The following PRSS23 variants were observed in gnomAD, a reference collection of about 807,000 sequenced individuals.
The protein encoded by PRSS23 is serine protease 23.
Under a neutral mutation model 34.7 loss-of-function variants are expected in PRSS23, and 25 were observed. The ratio of observed to expected loss-of-function variants is 0.72; its 90% CI spans 0.53 to 1.01. The LOEUF (loss-of-function observed/expected upper bound fraction) is 1.01. PRSS23 is among the 50% of genes least tolerant of loss of function. PRSS23 has a pLI of 0.00. For synonymous variants in PRSS23, 176 were observed against 186.6 expected, an observed-to-expected ratio of 0.94 and a Z score of 0.46; for missense variants, 445 against 475.6, an observed-to-expected ratio of 0.94 and a Z score of 0.60.
intron 2 of PRSS23, among the ~76,000 whole-genome samples, chr11:86,865,446 C>T (rs1210808324): frequency 6.6e-6 from 1 of 152,188 alleles, no homozygotes; most frequent in Non-Finnish European, 1.5e-5. Context: ...TCAGCAAGTT[C>T]TGTGAGTGTG....
chr11:86,921,529 G>A (rs1949047273), intron 2 of PRSS23: 1 of 152,184 alleles, frequency 6.6e-6, no homozygotes, highest in African/African-American at 2.4e-5. Context: ...TATGCTTAAT[G>A]TTTCAGGATG....
At chr11:86,821,125 T>C in intron 1 of PRSS23, 1 of 563,618 alleles carries the variant, frequency 1.8e-6, no homozygotes, top group African/African-American at 2.0e-5. Flanking sequence ...TCTGTACATT[T>C]TTCCATGATT....
intron 2 of PRSS23, among the ~76,000 whole-genome samples, chr11:86,919,132 C>A (rs547310672): frequency 6.6e-6 from 1 of 152,198 alleles, no homozygotes; most frequent in Non-Finnish European, 1.5e-5. Context: ...TGCCTCATAG[C>A]TTCCCATCCC....
At chr11:86,867,698 A>T (rs1443973330) in intron 2 of PRSS23, among the ~76,000 whole-genome samples, 1 of 151,942 alleles carries the variant, frequency 6.6e-6, no homozygotes. Context: ...TGGGCAACAT[A>T]GTGAGACCCT....
chr11:86,827,382 C>G (rs1948310903), intron 2 of PRSS23, among the ~76,000 whole-genome samples: 2 of 152,234 alleles, frequency 1.3e-5, no homozygotes, highest in Non-Finnish European at 2.9e-5. Context: ...ATTCTTCTCT[C>G]TTTTCTTCTT....
At chr11:86,826,592 C>T (rs575912210) in intron 2 of PRSS23, among the ~76,000 whole-genome samples, 1 of 152,282 alleles carries the variant, frequency 6.6e-6, no homozygotes, top group South Asian at 2.1e-4. Flanking sequence ...GGAATGCTTC[C>T]AATTTCTGCC....
At chr11:86,792,337 A>C (rs115354203) in intron 1 of PRSS23, among the ~76,000 whole-genome samples, 107 of 152,334 alleles carry the variant, frequency 7.0e-4, no homozygotes, top group African/African-American at 2.5e-3. Context: ...CAAGGTGCTC[A>C]TGCTCACTGG....
In PRSS23 at chr11:86,808,675, G is replaced by A. The variant is rs747501459; in HGVS notation, c.1032G>A (p.Gln344=). 6.2e-7 allele frequency: 1 copy of A among 1,614,186 alleles called. No homozygotes were observed. Among genetic ancestry groups the A allele is most frequent in the Non-Finnish European group, 8.5e-7 (1 of 1,180,036 alleles). ...TTATTGGCATTTTTTCAGGGCACCA[G>A]TGGGTGGACATGAATGGTTCCCCAC... ...RKIIGIFSGH[Q]WVDMNGSPQD... is the part of the protein sequence containing the mutation. Residue 344 remains glutamine (Q), a synonymous_variant, in exon 2 of 2, where the codon CAG becomes CAA. Coordinates refer to ENST00000280258, the MANE Select transcript of PRSS23 (RefSeq NM_007173.6).
At position 86,810,582 on chromosome 11, in the gene PRSS23, G is replaced by T. The variant is rs954827269; in HGVS notation, c.*1787G>T. 1 of 166,966 alleles carries T rather than the reference G, an allele frequency of 6.0e-6. No individual in the cohort carries two copies. The highest frequency in any genetic ancestry group is 1.5e-5 in the Non-Finnish European group (1 of 68,086). The allele number at this position is 166,966 out of a possible 1,614,324, so 10.3% of individuals were successfully genotyped here. ...TCTATGTCTGGTATTTGGGGGTTTTGTTTGTTTTTGCTTTAGCTTGGTGAA... is the reference window on the plus strand; with the variant it reads ...TCTATGTCTGGTATTTGGGGGTTTTTTTTGTTTTTGCTTTAGCTTGGTGAA... On this transcript the variant is annotated 3_prime_UTR_variant, in exon 2 of 2. Coordinates refer to ENST00000280258, the MANE Select transcript of PRSS23 (RefSeq NM_007173.6).
intron 2 of PRSS23, among the ~76,000 whole-genome samples, chr11:86,866,238 T>A (rs1473337703): frequency 6.6e-6 from 1 of 152,194 alleles, no homozygotes; most frequent in African/African-American, 2.4e-5. Context: ...AACCCAACAT[T>A]ACTGCTGCCA....
intron 2 of PRSS23, among the ~76,000 whole-genome samples, chr11:86,826,566 G>C (rs1422939817): frequency 1.3e-5 from 2 of 152,126 alleles, no homozygotes; most frequent in African/African-American, 4.8e-5. Flanking sequence ...TCCCTGTCTT[G>C]TGCCAGTTTT....
intron 1 of PRSS23, among the ~76,000 whole-genome samples, chr11:86,819,871 G>A (rs573397122): frequency 1.3e-5 from 2 of 152,272 alleles, no homozygotes; most frequent in Non-Finnish European, 2.9e-5. Context: ...TTCACAACAT[G>A]TACAATGTTT....
At chr11:86,908,288 C>T (rs1276607673) in intron 2 of PRSS23, among the ~76,000 whole-genome samples, 1 of 152,174 alleles carries the variant, frequency 6.6e-6, no homozygotes, top group African/African-American at 2.4e-5. Context: ...TACTGCTTTC[C>T]ATAGCAGCTT....
chr11:86,835,440 C>G (rs1346273369), intron 2 of PRSS23, among the ~76,000 whole-genome samples: 1 of 152,212 alleles, frequency 6.6e-6, no homozygotes, highest in African/African-American at 2.4e-5. Context: ...AAAAGTCTTG[C>G]CCCGTTGGCA....
chr11:86,907,440 A>G (rs1948950582), intron 2 of PRSS23, among the ~76,000 whole-genome samples: 1 of 151,882 alleles, frequency 6.6e-6, no homozygotes, highest in Non-Finnish European at 1.5e-5. Context: ...TGGTAAGAGC[A>G]CTTAACATGA....
At chr11:86,845,194 T>G (rs1948477800) in intron 2 of PRSS23, among the ~76,000 whole-genome samples, 1 of 152,140 alleles carries the variant, frequency 6.6e-6, no homozygotes, top group Non-Finnish European at 1.5e-5. Context: ...GATTTTTACT[T>G]TTGCTATCTC....
chr11:86,936,936 A>C (rs188197445), intron 2 of PRSS23: 5 of 152,192 alleles, frequency 3.3e-5, no homozygotes, highest in African/African-American at 1.2e-4. Context: ...TCTTACATTT[A>C]GAACATTTAG....
chr11:86,831,175 G>A (rs1253225786), intron 2 of PRSS23, among the ~76,000 whole-genome samples: 1 of 152,040 alleles, frequency 6.6e-6, no homozygotes, highest in Non-Finnish European at 1.5e-5. Flanking sequence ...TATTACTAAT[G>A]TCACAATGCT....
At chr11:86,847,119 A>T (rs1405795430) in intron 2 of PRSS23, among the ~76,000 whole-genome samples, 1 of 151,926 alleles carries the variant, frequency 6.6e-6, no homozygotes, top group Non-Finnish European at 1.5e-5. Flanking sequence ...AGGGGGGCTT[A>T]CTCTTTTGAT....
Sources: gnomAD v4.1 joint callset for allele counts (sites outside exome capture counted in the v4.1 genomes callset) on GRCh38, gnomAD v4.1.1 for gene constraint, MANE v1.5 for transcripts, NCBI Gene and HGNC (gene_info 2026-07-23, HGNC 2026-07-21) for gene names.